The following C12orf54 variants were observed in gnomAD, a reference collection of about 807,000 sequenced individuals.
C12orf54 encodes the protein chromosome 12 open reading frame 54.
A neutral mutation model predicts 26.4 loss-of-function variants in C12orf54; 24 were observed. That is an observed-to-expected ratio of 0.91 (90% CI 0.66 to 1.28). The LOEUF (loss-of-function observed/expected upper bound fraction) is 1.28, where lower values mean the gene tolerates loss of function less well. Among genes scored for constraint, C12orf54 ranks in the 50% most tolerant of loss-of-function variants. The probability of loss-of-function intolerance (pLI) is 0.00; values close to 1 mark genes in which losing one functional copy is unlikely to be tolerated. For synonymous variants in C12orf54, 54 were observed against 47.0 expected, an observed-to-expected ratio of 1.15 and a Z score of -0.61; for missense variants, 154 against 150.9, an observed-to-expected ratio of 1.02 and a Z score of -0.11.
chr12:48,448,327 CAT>C, the C12orf54 span, among the ~76,000 whole-genome samples: 6 of 152,196 alleles, frequency 3.9e-5, no homozygotes, highest in East Asian at 1.9e-4. Context: ...TTTTATTACA[CAT>C]GTCTGTTTTT....
chr12:48,441,809 A>C, the C12orf54 span, among the ~76,000 whole-genome samples: 3 of 152,026 alleles, frequency 2.0e-5, no homozygotes, highest in Non-Finnish European at 4.4e-5. Flanking sequence ...CCAAGAAAAT[A>C]ATTTTCCACC....
the C12orf54 span, among the ~76,000 whole-genome samples, chr12:48,472,046 G>C: frequency 6.6e-6 from 1 of 152,148 alleles, no homozygotes; most frequent in African/African-American, 2.4e-5. Context: ...TCTCCTTGTA[G>C]AAATTTTTCA....
chr12:48,487,785 A>G, intron 4 of C12orf54: 1 of 420,874 alleles, frequency 2.4e-6, no homozygotes, highest in Admixed American at 3.7e-5. Context: ...TTTCCACCAA[A>G]CAAGATACAA....
the C12orf54 span, among the ~76,000 whole-genome samples, chr12:48,433,677 G>C: frequency 2.0e-5 from 3 of 152,124 alleles, no homozygotes; most frequent in African/African-American, 7.2e-5. Flanking sequence ...TTGATCTCTT[G>C]ACCTTGTGAT....
the C12orf54 span, among the ~76,000 whole-genome samples, chr12:48,465,267 T>C: frequency 7.9e-5 from 12 of 152,100 alleles, no homozygotes; most frequent in African/African-American, 2.9e-4. Context: ...TGAACAGACA[T>C]GTCTCAAAAG....
At chr12:48,464,903 AC>A in the C12orf54 span, among the ~76,000 whole-genome samples, 1 of 152,098 alleles carries the variant, frequency 6.6e-6, no homozygotes, top group East Asian at 1.9e-4. Flanking sequence ...CCTTACATAT[AC>A]AAAAATTACC....
At chr12:48,472,985 G>A in the C12orf54 span, 17 of 1,614,096 alleles carry the variant, frequency 1.1e-5, no homozygotes, top group African/African-American at 2.0e-4. Context: ...GCACAATAGA[G>A]CCCCTGAAAA....
At chr12:48,457,621 C>T in the C12orf54 span, among the ~76,000 whole-genome samples, 1 of 152,134 alleles carries the variant, frequency 6.6e-6, no homozygotes, top group Non-Finnish European at 1.5e-5. Flanking sequence ...TCCCGGGCTT[C>T]TCTGCCAGGG....
At chr12:48,420,080 G>GT in the C12orf54 span, among the ~76,000 whole-genome samples, 3 of 147,154 alleles carry the variant, frequency 2.0e-5, no homozygotes, top group Admixed American at 6.7e-5. Context: ...TTCCACAGTT[G>GT]GTTTTTTTTT....
At chr12:48,422,715 A>G in the C12orf54 span, among the ~76,000 whole-genome samples, 2 of 152,200 alleles carry the variant, frequency 1.3e-5, no homozygotes, top group African/African-American at 2.4e-5. Flanking sequence ...TTGAGAAACA[A>G]TGTTTATGGT....
chr12:48,421,298 G>A, the C12orf54 span, among the ~76,000 whole-genome samples: 2 of 152,014 alleles, frequency 1.3e-5, no homozygotes, highest in South Asian at 4.1e-4. Context: ...TTACATGGAA[G>A]GAGCAGTAGA....
At chr12:48,440,204 G>A in the C12orf54 span, among the ~76,000 whole-genome samples, 1 of 151,354 alleles carries the variant, frequency 6.6e-6, no homozygotes, top group Non-Finnish European at 1.5e-5. Flanking sequence ...CAGCCTGGGT[G>A]ACAGAGTGAG....
chr12:48,482,766 C>T (rs1468699471), intron 1 of C12orf54, among the ~76,000 whole-genome samples, 190 bp downstream of exon 1: 2 of 151,192 alleles, frequency 1.3e-5, no homozygotes, highest in African/African-American at 4.9e-5. Context: ...CCTGAAACTC[C>T]TCTATCCTTA....
At chr12:48,445,745 A>G in the C12orf54 span, among the ~76,000 whole-genome samples, 5 of 152,232 alleles carry the variant, frequency 3.3e-5, no homozygotes, top group African/African-American at 1.2e-4. Context: ...TTAATTGCTA[A>G]CTTGAGTATA....
At chr12:48,468,892 G>A in the C12orf54 span, among the ~76,000 whole-genome samples, 17 of 152,082 alleles carry the variant, frequency 1.1e-4, no homozygotes, top group Non-Finnish European at 1.2e-4. Context: ...CTGGGTCTCC[G>A]GGGGTGACAT....
the C12orf54 span, among the ~76,000 whole-genome samples, chr12:48,450,343 A>T: frequency 6.6e-6 from 1 of 152,224 alleles, no homozygotes. Context: ...CAGTGTTAAG[A>T]GGGAAATGTA....
the C12orf54 span, among the ~76,000 whole-genome samples, chr12:48,426,477 G>A: frequency 1.3e-5 from 2 of 152,056 alleles, no homozygotes; most frequent in Non-Finnish European, 1.5e-5. Context: ...TGTTGTATTG[G>A]TTACTGTAGC....
At chr12:48,457,284 TTGGTGG>T in the C12orf54 span, among the ~76,000 whole-genome samples, 2 of 127,696 alleles carry the variant, frequency 1.6e-5, no homozygotes, top group Non-Finnish European at 3.4e-5. Flanking sequence ...GTTGTTGTTG[TTGGTGG>T]TGGTGGTGGT....
the C12orf54 span, among the ~76,000 whole-genome samples, chr12:48,475,142 G>A: frequency 6.6e-6 from 1 of 152,178 alleles, no homozygotes; most frequent in Non-Finnish European, 1.5e-5. Flanking sequence ...AACAGGGTCT[G>A]GAGTGCACCT....
Sources: allele counts gnomAD v4.1 joint callset (sites outside exome capture counted in the v4.1 genomes callset), GRCh38; gene constraint gnomAD v4.1.1; transcripts MANE v1.5; gene names NCBI Gene and HGNC (gene_info 2026-07-23, HGNC 2026-07-21).